TMEM8B: variants seen among roughly 807,000 people sequenced by gnomAD.
The protein encoded by TMEM8B is nasopharyngeal carcinoma expressed 6.
TMEM8B carries 29 observed loss-of-function variants against 49.3 expected under a neutral mutation model. The ratio of observed to expected loss-of-function variants is 0.59; its 90% confidence interval spans 0.44 to 0.80. The LOEUF is 0.80. TMEM8B is among the 30% of genes least tolerant of loss of function. The pLI is 0.00. For missense variants in TMEM8B, 575 were observed against 658.5 expected, an observed-to-expected ratio of 0.87 and a Z score of 1.39; for synonymous variants, 264 against 272.8, an observed-to-expected ratio of 0.97 and a Z score of 0.32.
rs1452449463 is a variant in TMEM8B, at chr9:35,859,929, G to A, written c.*6089G>A. 2 of 152,996 alleles carry A rather than the reference G, an allele frequency of 1.3e-5. No homozygotes were observed. The highest frequency in any genetic ancestry group is 2.9e-5 in the Non-Finnish European group (2 of 68,134). 9.5% of individuals were successfully genotyped at this position (152,996 alleles called of 1,614,324 possible). A position where few individuals can be genotyped will look rare whatever the true frequency, so the allele number is the denominator to read the frequency against. On this transcript the variant is annotated 3_prime_UTR_variant, in exon 13 of 13. Coordinates refer to ENST00000643932, the MANE Select transcript of TMEM8B (RefSeq NM_001042590.4). Reference sequence around the variant, plus strand: ...ACCACCTCCAGGTTACAGTGCTCGTGTAGCCCCATCAGGACGTATTCCGTC... The same window carrying A: ...ACCACCTCCAGGTTACAGTGCTCGTATAGCCCCATCAGGACGTATTCCGTC...
chr9:35,846,382 G>A lies in TMEM8B; in HGVS notation c.1853+1G>A, dbSNP rs905853385. The A allele has an allele frequency of 1.2e-6, 2 of 1,612,190 alleles. No homozygotes were observed. The highest frequency in any genetic ancestry group is 8.5e-7 in the Non-Finnish European group (1 of 1,179,408). On this transcript the variant is annotated splice_donor_variant, in intron 8 of 12. Transcript: ENST00000643932. LOFTEE classifies it high-confidence loss of function. ...GCTCCCTGTGCGGGGTGGGGCCTCG[G>A]TGAGCGGTGCGGGGCGGGGCCAGGG...
chr9:35,836,639 A>G (rs151267344), intron 3 of TMEM8B, among the ~76,000 whole-genome samples: 33 of 152,234 alleles, frequency 2.2e-4, no homozygotes, highest in African/African-American at 7.2e-4. Context: ...TAGTGCAGAG[A>G]AAAGCTGCTC....
chr9:35,837,586 G>A (rs576385949), intron 3 of TMEM8B, among the ~76,000 whole-genome samples: 6 of 152,112 alleles, frequency 3.9e-5, no homozygotes, highest in Admixed American at 3.9e-4. Flanking sequence ...TATCCTGAGC[G>A]TGATAGGGAG....
rs554098466 is a variant in TMEM8B at position 35,858,288 on chromosome 9, A to T, written c.*4448A>T. On this transcript the variant is annotated 3_prime_UTR_variant, in exon 13 of 13. Coordinates refer to ENST00000643932, the MANE Select transcript of TMEM8B (RefSeq NM_001042590.4). Reference sequence around the variant, plus strand: ...GTGTTTTTAGTAGAGGCAGGGTTTCATCACATTTCCCGGGCTGGTCTCGAA... The same window carrying T: ...GTGTTTTTAGTAGAGGCAGGGTTTCTTCACATTTCCCGGGCTGGTCTCGAA... The T allele has an allele frequency of 6.6e-6, 1 of 151,670 alleles. No homozygotes were observed. Among genetic ancestry groups the T allele is most frequent in the South Asian group, 2.1e-4 (1 of 4,798 alleles). The allele number at this position is 151,670 out of a possible 1,614,324, so 9.4% of individuals were successfully genotyped here.
At position 35,846,504 on chromosome 9, in the gene TMEM8B, G is replaced by A; in HGVS notation, c.1889G>A (p.Arg630Gln). The A allele has an allele frequency of 6.3e-7, 1 of 1,595,962 alleles. No individual in the cohort carries two copies. The highest frequency in any genetic ancestry group is 2.3e-5 in the East Asian group (1 of 43,904). Residue 630 changes from arginine (R) to glutamine (Q), a missense_variant, in exon 9 of 13, where the codon CGG becomes CAG. By Grantham distance (43) the Arg-to-Gln change is conservative. Transcript: ENST00000643932. ...TGCCGCAACGCGACGGCCGAGGTGC[G>A]GATGCGCACCTTCCTGTCCCCATGC... Reference protein sequence around the residue: ...VRCRNATAEVRMRTFLSPCVD... With the variant: ...VRCRNATAEVQMRTFLSPCVD...
At chr9:35,850,366 A>AT (rs1386443760) in intron 10 of TMEM8B, among the ~76,000 whole-genome samples, 12 of 151,730 alleles carry the variant, frequency 7.9e-5, no homozygotes, top group South Asian at 4.2e-4. Context: ...TTGTAGTCTA[A>AT]TTTTTTTTTC....
chr9:35,848,476 T>C (rs1831827872), intron 10 of TMEM8B, among the ~76,000 whole-genome samples: 1 of 152,140 alleles, frequency 6.6e-6, no homozygotes, highest in Admixed American at 6.5e-5. Context: ...CTGAAGCATG[T>C]AGGGAGAGCA....
intron 10 of TMEM8B, among the ~76,000 whole-genome samples, chr9:35,848,675 C>CTTTTTTTTTTTTTTTT (rs34593597): frequency 7.6e-6 from 1 of 132,136 alleles, no homozygotes; most frequent in African/African-American, 2.8e-5. Context: ...TGTTTTTTTT[C>CTTTTTTTTTTTTTTTT]TTTTTTTTTT....
In TMEM8B at chr9:35,859,954, C is replaced by CA. The variant is rs1832621456; in HGVS notation, c.*6115dup. ...GTAGCCCCATCAGGACGTATTCCGTCACAGCTGTCTGGTTTGCCCACTTCA... is the reference window on the plus strand; with the variant it reads ...GTAGCCCCATCAGGACGTATTCCGTCAACAGCTGTCTGGTTTGCCCACTTCA... On this transcript the variant is annotated 3_prime_UTR_variant, in exon 13 of 13. Coordinates refer to ENST00000643932, the MANE Select transcript of TMEM8B (RefSeq NM_001042590.4). 1 of 152,766 alleles carries CA rather than the reference C, an allele frequency of 6.5e-6. No homozygotes were observed. Among genetic ancestry groups the CA allele is most frequent in the Non-Finnish European group, 1.5e-5 (1 of 68,092 alleles). The allele number at this position is 152,766 out of a possible 1,614,324, so 9.5% of individuals were successfully genotyped here.
At chr9:35,844,283 A>T (rs1379925994) in intron 6 of TMEM8B, among the ~76,000 whole-genome samples, 1 of 152,242 alleles carries the variant, frequency 6.6e-6, no homozygotes, top group East Asian at 1.9e-4. Flanking sequence ...TAATTCACAC[A>T]CTTGCAAAGC....
Position 35,858,919 on chromosome 9 carries a change from C to T in TMEM8B, c.*5079C>T, listed in dbSNP as rs1023151052. 6.6e-6 allele frequency: 1 copy of T among 152,510 alleles called. No homozygotes were observed. The highest frequency in any genetic ancestry group is 6.5e-5 in the Admixed American group (1 of 15,284). 9.4% of individuals were successfully genotyped at this position (152,510 alleles called of 1,614,324 possible). ...GATGCGGAGCAGAAGCCCCACCAGC[C>T]TCTGGTGGACCTGCATCAGGAGCAA... On this transcript the variant is annotated 3_prime_UTR_variant, in exon 13 of 13. Transcript: ENST00000643932.
Position 35,854,731 on chromosome 9 carries a change from A to T in TMEM8B, c.*891A>T, listed in dbSNP as rs1832448928. ...TAAATCAGTGAGACAGACTTTCCTT[A>T]TGATGCCCACACCCAACACAGAAGG... On this transcript the variant is annotated 3_prime_UTR_variant, in exon 13 of 13. Transcript: ENST00000643932. 6.6e-6 allele frequency: 1 copy of T among 152,100 alleles called. No homozygotes were observed. Among genetic ancestry groups the T allele is most frequent in the African/African-American group, 2.4e-5 (1 of 41,396 alleles). The allele number at this position is 152,100 out of a possible 1,614,324, so 9.4% of individuals were successfully genotyped here.
At chr9:35,846,214 C>T in intron 7 of TMEM8B, 44 bp from the exon 8 acceptor site, 1 of 1,611,806 alleles carries the variant, frequency 6.2e-7, no homozygotes, top group Non-Finnish European at 8.5e-7. Context: ...TTCTTGGGTT[C>T]TGACCCCTCC....
rs1435214436 is a variant in TMEM8B at position 35,860,278 on chromosome 9, A to AAAATG, written c.*6440_*6444dup. On this transcript the variant is annotated 3_prime_UTR_variant, in exon 13 of 13. Transcript: ENST00000643932. ...AGACAGCAGAGAAAGATTCATGTTTAAAATGATCGTTTGGAATCCAAAGTG... is the reference window on the plus strand; with the variant it reads ...AGACAGCAGAGAAAGATTCATGTTTAAAATGAAATGATCGTTTGGAATCCAAAGTG... The AAAATG allele has an allele frequency of 6.6e-6, 1 of 152,256 alleles. No individual in the cohort carries two copies. The highest frequency in any genetic ancestry group is 1.5e-5 in the Non-Finnish European group (1 of 68,036). The allele number at this position is 152,256 out of a possible 1,614,324, so 9.4% of individuals were successfully genotyped here. A position where few individuals can be genotyped will look rare whatever the true frequency, so the allele number is the denominator to read the frequency against.
At chr9:35,845,536 AG>A (rs767736668) in intron 6 of TMEM8B, 4 of 985,374 alleles carry the variant, frequency 4.1e-6, no homozygotes, top group Non-Finnish European at 4.8e-6. Flanking sequence ...ATTTCACCTG[AG>A]TTGGAGTGAG....
intron 1 of TMEM8B, among the ~76,000 whole-genome samples, chr9:35,832,114 T>C (rs1029730243): frequency 1.3e-5 from 2 of 152,170 alleles, no homozygotes; most frequent in Non-Finnish European, 2.9e-5. Context: ...GCTTTTATTC[T>C]ACCTAGTGCT....
rs771639488 is a variant in TMEM8B at position 35,864,382 on chromosome 9, C to G, written c.*10542C>G. ...AGATAGGGGCATAACAAGAAGAAAG[C>G]TTCGGTTACAATTTCCCCGAAATGC... On this transcript the variant is annotated 3_prime_UTR_variant, in exon 13 of 13. Transcript: ENST00000643932. 3.9e-5 allele frequency: 6 copies of G among 152,188 alleles called. No individual in the cohort carries two copies. The highest frequency in any genetic ancestry group is 7.2e-5 in the African/African-American group (3 of 41,452). 9.4% of individuals were successfully genotyped at this position (152,188 alleles called of 1,614,324 possible). A position where few individuals can be genotyped will look rare whatever the true frequency, so the allele number is the denominator to read the frequency against.
In TMEM8B at chr9:35,834,450, C is replaced by A. The variant is rs1830240574; in HGVS notation, c.509-11C>A. 4.8e-6 allele frequency: 2 copies of A among 415,170 alleles called. No individual in the cohort carries two copies. The highest frequency in any genetic ancestry group is 4.4e-5 in the Admixed American group (1 of 22,738). The allele number at this position is 415,170 out of a possible 1,614,324, so 25.7% of individuals were successfully genotyped here. On this transcript the variant is annotated splice_polypyrimidine_tract_variant and intron_variant, in intron 1 of 12. Transcript: ENST00000643932. ...CCTGCCCTGCTCCTTTCTCTCTCTC[C>A]TGCTTCCCAGGAGGCCTTTTCCTGA...
chr9:35,857,666 A>G lies in TMEM8B; in HGVS notation c.*3826A>G, dbSNP rs1283101879. On this transcript the variant is annotated 3_prime_UTR_variant, in exon 13 of 13. Coordinates refer to ENST00000643932, the MANE Select transcript of TMEM8B (RefSeq NM_001042590.4). Reference sequence around the variant, plus strand: ...CCTTGATCAGAAGAGTGATGAATCAATCCAGGTTTGACCAAAGTAACAGAA... The same window carrying G: ...CCTTGATCAGAAGAGTGATGAATCAGTCCAGGTTTGACCAAAGTAACAGAA... The G allele has an allele frequency of 6.6e-6, 1 of 152,252 alleles. No individual in the cohort carries two copies. Among genetic ancestry groups the G allele is most frequent in the Non-Finnish European group, 1.5e-5 (1 of 68,054 alleles). 9.4% of individuals were successfully genotyped at this position (152,252 alleles called of 1,614,324 possible).
Sources: allele counts gnomAD v4.1 joint callset (sites outside exome capture counted in the v4.1 genomes callset), GRCh38; gene constraint gnomAD v4.1.1; transcripts MANE v1.5; gene names NCBI Gene and HGNC (gene_info 2026-07-23, HGNC 2026-07-21).